Variants in PPP4R3A observed in about 807,000 individuals in gnomAD.
PPP4R3A encodes protein phosphatase 4 regulatory subunit 3A.
In PPP4R3A, 15 loss-of-function variants were observed where a neutral mutation model predicts 91.7. That is an observed-to-expected ratio of 0.16 (90% CI 0.11 to 0.25). The LOEUF is 0.25. Ranked by LOEUF, PPP4R3A falls within the 10% of genes least tolerant of loss-of-function variation. PPP4R3A has a pLI of 1.00. For missense variants in PPP4R3A, 623 were observed against 998.4 expected (o/e 0.62, Z 5.07); for synonymous variants, 377 against 348.7 (o/e 1.08, Z -0.91).
intron 7 of PPP4R3A, among the ~76,000 whole-genome samples, chr14:91,473,885 T>A (rs1595060113): frequency 1.3e-5 from 2 of 152,182 alleles, no homozygotes; most frequent in East Asian, 3.9e-4. Flanking sequence ...TTCTCCTGCC[T>A]CAGCCTCCCT....
At chr14:91,503,899 C>T (rs375588208) in intron 1 of PPP4R3A, among the ~76,000 whole-genome samples, 4 of 152,014 alleles carry the variant, frequency 2.6e-5, no homozygotes, top group Non-Finnish European at 4.4e-5. Flanking sequence ...TGCAGGTATA[C>T]GGCTATCATA....
chr14:91,489,074 A>AT (rs1267014990), intron 2 of PPP4R3A, among the ~76,000 whole-genome samples: 14 of 151,854 alleles, frequency 9.2e-5, no homozygotes, highest in Non-Finnish European at 2.1e-4. Flanking sequence ...CGCCCAGCTT[A>AT]TTTTTTGTAT....
intron 2 of PPP4R3A, among the ~76,000 whole-genome samples, chr14:91,487,842 A>C (rs1183281258): frequency 6.6e-6 from 1 of 152,128 alleles, no homozygotes; most frequent in Non-Finnish European, 1.5e-5. Flanking sequence ...TCAGCCTCCC[A>C]AGTAGCTGGA....
chr14:91,495,934 AACACACAC>A (rs35119396), intron 1 of PPP4R3A, among the ~76,000 whole-genome samples: 2 of 151,440 alleles, frequency 1.3e-5, no homozygotes. Context: ...AACAAAACAA[AACACACAC>A]ACACACACAA....
At chr14:91,461,640 C>G in intron 13 of PPP4R3A, 33 bp from the exon 14 acceptor site, 1 of 1,584,816 alleles carries the variant, frequency 6.3e-7, no homozygotes, top group Non-Finnish European at 8.6e-7. Context: ...TAGTCGTCCC[C>G]CATACTTCTT....
intron 12 of PPP4R3A, 63 bp from the exon 13 acceptor site, chr14:91,462,302 G>T: frequency 2.2e-6 from 3 of 1,392,084 alleles, no homozygotes; most frequent in South Asian, 1.9e-5. Context: ...TGTTACAGAT[G>T]ACTTATTAAA....
intron 4 of PPP4R3A, among the ~76,000 whole-genome samples, chr14:91,480,040 G>C (rs1391748293): frequency 6.6e-6 from 1 of 152,096 alleles, no homozygotes; most frequent in East Asian, 1.9e-4. Context: ...TTATTGTCTA[G>C]CTCTCAGAGA....
chr14:91,459,247 AG>A (rs1057324159), intron 14 of PPP4R3A, among the ~76,000 whole-genome samples: 4 of 152,114 alleles, frequency 2.6e-5, no homozygotes, highest in African/African-American at 9.6e-5. Flanking sequence ...CTGTGATTAC[AG>A]GCGCCCGCCA....
chr14:91,496,158 T>C (rs1433712466), intron 1 of PPP4R3A, among the ~76,000 whole-genome samples: 1 of 152,150 alleles, frequency 6.6e-6, no homozygotes, highest in Admixed American at 6.6e-5. Context: ...TTTCTCTGGG[T>C]AGGATAGTGA....
chr14:91,465,132 T>C (rs1195827812), intron 11 of PPP4R3A, 118 bp downstream of exon 11: 4 of 287,650 alleles, frequency 1.4e-5, no homozygotes, highest in African/African-American at 1.5e-4. Flanking sequence ...TTTTAGTACT[T>C]TTTTTTTTTT....
rs1363131159 is a variant in PPP4R3A, at chr14:91,458,042, A to AAT, written c.*715_*716dup. The AAT allele has an allele frequency of 2.0e-5, 3 of 152,656 alleles. No homozygotes were observed. Among genetic ancestry groups the AAT allele is most frequent in the Non-Finnish European group, 4.4e-5 (3 of 68,092 alleles). The allele number at this position is 152,656 out of a possible 1,614,324, so 9.5% of individuals were successfully genotyped here. A position where few individuals can be genotyped will look rare whatever the true frequency, so the allele number is the denominator to read the frequency against. On this transcript the variant is annotated 3_prime_UTR_variant, in exon 15 of 15. Transcript: ENST00000554943. ...ATCAAAAAAAGTTTTAATGGTCCCA[A>AAT]ATATATATACTCAACAACTAAGCAT... is the stretch of plus-strand genomic sequence containing the variant.
At position 91,509,681 on chromosome 14, in the gene PPP4R3A, C is replaced by T. The variant is rs1454219068; in HGVS notation, c.-34G>A. The T allele has an allele frequency of 6.3e-7, 1 of 1,583,938 alleles. No individual in the cohort carries two copies. Among genetic ancestry groups the T allele is most frequent in the African/African-American group, 1.3e-5 (1 of 74,162 alleles). On this transcript the variant is annotated 5_prime_UTR_variant, in exon 1 of 15. Transcript: ENST00000554943. ...CCGGGAACCGGGGCGGGGGCCCCGC[C>T]AGTAGACGCCCAGGAAAGGGGCCCT...
intron 1 of PPP4R3A, among the ~76,000 whole-genome samples, chr14:91,507,401 T>TA (rs1223882371): frequency 1.8e-4 from 14 of 79,386 alleles, no homozygotes; most frequent in African/African-American, 6.1e-4. Flanking sequence ...ATATGTACTA[T>TA]AATTATATAT....
chr14:91,494,355 A>G (rs1232620564), intron 1 of PPP4R3A, among the ~76,000 whole-genome samples: 2 of 152,196 alleles, frequency 1.3e-5, no homozygotes, highest in Non-Finnish European at 2.9e-5. Context: ...AATACCATCA[A>G]GTAAAAAGAA....
chr14:91,506,254 T>C (rs1891287986), intron 1 of PPP4R3A, among the ~76,000 whole-genome samples: 2 of 152,204 alleles, frequency 1.3e-5, no homozygotes, highest in African/African-American at 2.4e-5. Context: ...GCCGAAAATA[T>C]CTTTAGGCTA....
chr14:91,461,077 A>G (rs910411198), intron 14 of PPP4R3A, among the ~76,000 whole-genome samples: 10 of 152,248 alleles, frequency 6.6e-5, no homozygotes, highest in South Asian at 2.1e-4. Flanking sequence ...TTATTCAAGA[A>G]TAACTGAAAA....
chr14:91,466,373 G>A, intron 10 of PPP4R3A: 1 of 985,766 alleles, frequency 1.0e-6, no homozygotes, highest in Non-Finnish European at 1.2e-6. Context: ...TATTAATCAA[G>A]TCCTTCATGA....
intron 10 of PPP4R3A, among the ~76,000 whole-genome samples, chr14:91,468,777 A>T (rs1283271764): frequency 6.6e-6 from 1 of 151,154 alleles, no homozygotes; most frequent in Non-Finnish European, 1.5e-5. Flanking sequence ...TATGTATTCA[A>T]CCAAGAATGC....
intron 10 of PPP4R3A, among the ~76,000 whole-genome samples, chr14:91,467,353 T>C (rs1258771192): frequency 6.6e-6 from 1 of 152,186 alleles, no homozygotes; most frequent in African/African-American, 2.4e-5. Flanking sequence ...TGCCATTGGA[T>C]TTTCAATGTA....
Sources: gnomAD v4.1 joint callset for allele counts (sites outside exome capture counted in the v4.1 genomes callset) on GRCh38, gnomAD v4.1.1 for gene constraint, MANE v1.5 for transcripts, NCBI Gene and HGNC (gene_info 2026-07-23, HGNC 2026-07-21) for gene names.